The following CNBD1 variants were observed in gnomAD, a reference collection of about 807,000 sequenced individuals.
CNBD1 encodes the protein cyclic nucleotide binding domain containing 1, also known as cyclic nucleotide-binding domain-containing protein 1.
A neutral mutation model predicts 54.4 loss-of-function variants in CNBD1; 71 were observed. The ratio of observed to expected loss-of-function variants is 1.30; its 90% CI spans 1.08 to 1.59. The LOEUF (loss-of-function observed/expected upper bound fraction) is 1.59. Ranked by LOEUF, CNBD1 falls within the 40% of genes most tolerant of loss-of-function variation. The probability of loss-of-function intolerance (pLI) is 0.00; values close to 1 mark genes in which losing one functional copy is unlikely to be tolerated. For synonymous variants in CNBD1, 182 were observed against 170.7 expected, an observed-to-expected ratio of 1.07 and a Z score of -0.51; for missense variants, 659 against 518.0, an observed-to-expected ratio of 1.27 and a Z score of -2.64.
rs1196776191 is a variant in CNBD1, at chr8:87,286,667, T to G, written c.1038T>G (p.Gly346=). The stretch of plus-strand genomic sequence containing the variant: ...TTAAATGGAAAAAATTTCCTCCAGG[T>G]CATGGTAAGTTTAATGCAATTTAGA... ...ALLKWKKFPP[G]HVIVESGNII... is the part of the protein sequence containing the mutation. Residue 346 remains glycine (G), a synonymous_variant, in exon 8 of 11, where the codon GGT becomes GGG. Coordinates refer to ENST00000518476, the MANE Select transcript of CNBD1 (RefSeq NM_173538.3). 1 of 1,540,494 alleles carries G rather than the reference T, an allele frequency of 6.5e-7. No homozygotes were observed. The highest frequency in any genetic ancestry group is 2.5e-5 in the East Asian group (1 of 40,696).
At chr8:87,390,877 A>T (rs111969011) in intron 2 of CNBD1, among the ~76,000 whole-genome samples, 1 of 152,086 alleles carries the variant, frequency 6.6e-6, no homozygotes, top group Non-Finnish European at 1.5e-5. Context: ...TTAAGAAAAT[A>T]TGGCACATAT....
intron 4 of CNBD1, among the ~76,000 whole-genome samples, chr8:87,153,077 G>C (rs1252191948): frequency 6.6e-6 from 1 of 152,150 alleles, no homozygotes; most frequent in African/African-American, 2.4e-5. Flanking sequence ...TAATGTGGCT[G>C]TATGCTCGCA....
chr8:87,267,100 A>G (rs1808274076), intron 6 of CNBD1, among the ~76,000 whole-genome samples: 1 of 152,204 alleles, frequency 6.6e-6, no homozygotes, highest in Admixed American at 6.5e-5. Context: ...AGATATCTGC[A>G]TCATACACAA....
In CNBD1 at chr8:87,224,303, A is replaced by C. The variant is rs940974644; in HGVS notation, c.578-12616A>C. ...TGCCATTGCTTTTGGTGTTTTAGAC[A>C]TGAAGTCCTTGCCCATGCCTATGTC... On this transcript the variant is annotated intron_variant, in intron 5 of 10. Coordinates refer to ENST00000518476, the MANE Select transcript of CNBD1 (RefSeq NM_173538.3). Among the ~76,000 whole-genome samples the C allele has an allele frequency of 1.1e-3, 163 of 150,366 alleles. 1 individual carries two copies. Among genetic ancestry groups the C allele is most frequent in the African/African-American group, 3.8e-3 (154 of 40,582 alleles).
intron 10 of CNBD1, among the ~76,000 whole-genome samples, chr8:87,365,187 A>G (rs1431594773): frequency 6.6e-6 from 1 of 151,954 alleles, no homozygotes; most frequent in Non-Finnish European, 1.5e-5. Flanking sequence ...TTCAGTCAAA[A>G]TGGCTATTCT....
At chr8:86,913,861 T>A (rs1423442269) in intron 3 of CNBD1, among the ~76,000 whole-genome samples, 1 of 152,080 alleles carries the variant, frequency 6.6e-6, no homozygotes, top group Non-Finnish European at 1.5e-5. Context: ...TACATCTGCA[T>A]AAGGCAGAAC....
At chr8:87,318,784 C>G (rs891753729) in intron 8 of CNBD1, among the ~76,000 whole-genome samples, 3 of 151,970 alleles carry the variant, frequency 2.0e-5, no homozygotes, top group African/African-American at 7.2e-5. Flanking sequence ...TCAGGCTGAC[C>G]AGGCAGACCC....
intron 10 of CNBD1, among the ~76,000 whole-genome samples, chr8:87,355,676 C>A (rs1216836297): frequency 1.3e-5 from 2 of 152,050 alleles, no homozygotes; most frequent in Non-Finnish European, 2.9e-5. Flanking sequence ...GTAGACATTA[C>A]CATGGGTGAG....
intron 3 of CNBD1, among the ~76,000 whole-genome samples, chr8:86,925,951 G>T (rs768608774): frequency 1.3e-5 from 2 of 152,040 alleles, no homozygotes; most frequent in African/African-American, 2.4e-5. Flanking sequence ...GCTTCCACAG[G>T]GTAAAAGGAA....
chr8:87,384,885 T>G (rs1310000694), downstream of CNBD1, among the ~76,000 whole-genome samples: 4 of 151,630 alleles, frequency 2.6e-5, no homozygotes, highest in African/African-American at 9.7e-5. Context: ...AATGAATGAG[T>G]GAAAGGGGAC....
chr8:87,134,049 G>A (rs976934156), intron 4 of CNBD1, among the ~76,000 whole-genome samples: 7 of 152,160 alleles, frequency 4.6e-5, no homozygotes, highest in South Asian at 2.1e-4. Context: ...GTTTGAATTC[G>A]AAACATATAA....
intron 4 of CNBD1, among the ~76,000 whole-genome samples, chr8:87,028,859 A>G (rs1809713290): frequency 1.3e-5 from 2 of 152,354 alleles, no homozygotes; most frequent in South Asian, 4.1e-4. Context: ...AACTGTTTAT[A>G]TACAAAAACC....
chr8:87,376,999 G>C (rs1023175986), intron 10 of CNBD1, among the ~76,000 whole-genome samples: 1 of 145,240 alleles, frequency 6.9e-6, no homozygotes, highest in Non-Finnish European at 1.5e-5. Context: ...GTTGATATTT[G>C]TTTGTTAAAT....
chr8:86,904,431 C>G (rs941731637), intron 2 of CNBD1, among the ~76,000 whole-genome samples: 2 of 152,006 alleles, frequency 1.3e-5, no homozygotes, highest in Non-Finnish European at 2.9e-5. Context: ...CTGAATCTTG[C>G]TTATTGGCAT....
chr8:87,024,080 T>TA lies in CNBD1; in HGVS notation c.431+84335dup, dbSNP rs948321353. Among the ~76,000 whole-genome samples the TA allele has an allele frequency of 3.3e-5, 5 of 149,264 alleles. 1 individual carries two copies. The South Asian group carries it at 6.4e-4, about 19-fold the overall frequency. On this transcript the variant is annotated intron_variant, in intron 4 of 10. Transcript: ENST00000518476. ...GTGAAACCCCGTCTCTACTAAAAAT[T>TA]AAAAAAAAATTAGCCTGACCTGGTG...
intron 9 of CNBD1, 151 bp from the exon 10 acceptor site, chr8:87,353,485 A>G: frequency 5.5e-6 from 3 of 550,334 alleles, no homozygotes; most frequent in East Asian, 3.2e-5. Flanking sequence ...TGCTTATGTA[A>G]GTAAATTTTT....
chr8:87,402,269 T>C (rs899077800), intron 2 of CNBD1, among the ~76,000 whole-genome samples: 5 of 151,790 alleles, frequency 3.3e-5, no homozygotes, highest in African/African-American at 1.2e-4. Context: ...ATGTGGAGAT[T>C]ATGGGAGCTA....
At chr8:86,934,362 C>A (rs977026589) in intron 3 of CNBD1, among the ~76,000 whole-genome samples, 2 of 152,182 alleles carry the variant, frequency 1.3e-5, no homozygotes, top group East Asian at 3.9e-4. Flanking sequence ...GTATATTGAA[C>A]TTTTATACCA....
chr8:87,057,005 G>A (rs1175660840), intron 4 of CNBD1, among the ~76,000 whole-genome samples: 1 of 152,162 alleles, frequency 6.6e-6, no homozygotes, highest in Non-Finnish European at 1.5e-5. Flanking sequence ...AACCAAAAGA[G>A]TGTGGCAAAG....
Sources: gnomAD v4.1 joint callset for allele counts (sites outside exome capture counted in the v4.1 genomes callset) on GRCh38, gnomAD v4.1.1 for gene constraint, MANE v1.5 for transcripts, NCBI Gene and HGNC (gene_info 2026-07-23, HGNC 2026-07-21) for gene names.